The following UBE2C variants were observed in gnomAD, a reference collection of about 807,000 sequenced individuals.
UBE2C encodes ubiquitin conjugating enzyme E2 C.
UBE2C carries 16 observed loss-of-function variants against 23.5 expected under a neutral mutation model. The observed-to-expected ratio is 0.68, with a 90% CI of 0.46 to 1.03. The LOEUF (loss-of-function observed/expected upper bound fraction) is 1.03, where lower values mean the gene tolerates loss of function less well. Ranked by LOEUF, UBE2C falls within the 50% of genes least tolerant of loss-of-function variation. The probability of loss-of-function intolerance (pLI) is 0.00; values close to 1 mark genes in which losing one functional copy is unlikely to be tolerated. For missense variants in UBE2C, 192 were observed against 227.6 expected, an observed-to-expected ratio of 0.84 and a Z score of 1.01; for synonymous variants, 76 against 91.6, an observed-to-expected ratio of 0.83 and a Z score of 0.97.
chr20:45,816,599 T>G, intron 5 of UBE2C, 110 bp from the exon 6 acceptor site: 2 of 929,774 alleles, frequency 2.2e-6, no homozygotes, highest in Non-Finnish European at 3.4e-6. Context: ...ATCATGCTAT[T>G]GCACTCCAGC....
intron 5 of UBE2C, among the ~76,000 whole-genome samples, chr20:45,816,205 C>G (rs935755198): frequency 4.1e-4 from 62 of 152,344 alleles, no homozygotes; most frequent in Admixed American, 2.0e-3. Flanking sequence ...CTGTGCCCTC[C>G]AGTCTCACTG....
At chr20:45,814,848 T>TC (rs1489885081) in intron 3 of UBE2C, among the ~76,000 whole-genome samples, 2 of 151,790 alleles carry the variant, frequency 1.3e-5, no homozygotes, top group African/African-American at 4.8e-5. Context: ...TTTTTTTTTT[T>TC]TGAGACGGAG....
Position 45,816,691 on chromosome 20 carries a change from C to T in UBE2C, c.482-18C>T. 2 of 1,611,678 alleles carry T rather than the reference C, an allele frequency of 1.2e-6. No individual in the cohort carries two copies. Among genetic ancestry groups the T allele is most frequent in the South Asian group, 2.2e-5 (2 of 90,686 alleles). On this transcript the variant is annotated intron_variant, in intron 5 of 5. Transcript: ENST00000356455. ...TCCTGTCTCCATCACTCACTGAGAC[C>T]TGCCTGTTCTCTTCCAGCTTTTAAG...
chr20:45,816,379 T>C (rs750283662), intron 5 of UBE2C, among the ~76,000 whole-genome samples: 25 of 147,274 alleles, frequency 1.7e-4, no homozygotes, highest in Non-Finnish European at 3.2e-4. Context: ...CTCATGCCTG[T>C]AATCCTAGCA....
chr20:45,814,407 T>C lies in UBE2C; in HGVS notation c.153T>C (p.Ser51=). ...TLMMSGDKGI[S]AFPESDNLFK... ...AGATGTCTGGCGATAAAGGGATTTC[T>C]GCCTTCCCTGAATCAGACAACCTTT... The change falls in exon 3 of 6, where the codon TCT becomes TCC. Residue 51 remains serine (S), a synonymous_variant. Transcript: ENST00000356455. The C allele has an allele frequency of 6.2e-7, 1 of 1,610,010 alleles. No individual in the cohort carries two copies. The highest frequency in any genetic ancestry group is 8.5e-7 in the Non-Finnish European group (1 of 1,178,198).
intron 1 of UBE2C, 27 bp from the exon 2 acceptor site, chr20:45,813,410 A>T: frequency 6.2e-7 from 1 of 1,614,104 alleles, no homozygotes; most frequent in Non-Finnish European, 8.5e-7. Context: ...CCAGACTCCC[A>T]GGTAACCCCG....
chr20:45,813,926 A>T (rs1982180078), intron 2 of UBE2C, among the ~76,000 whole-genome samples: 1 of 151,974 alleles, frequency 6.6e-6, no homozygotes, highest in Non-Finnish European at 1.5e-5. Context: ...CCAACATTGC[A>T]AAACCCTGTC....
intron 2 of UBE2C, among the ~76,000 whole-genome samples, chr20:45,813,819 G>C (rs536982771): frequency 6.6e-6 from 1 of 152,250 alleles, no homozygotes; most frequent in East Asian, 1.9e-4. Context: ...GAGATTAAGG[G>C]GAGGCTGGGC....
chr20:45,816,928 A>G lies in UBE2C; in HGVS notation c.*161A>G, dbSNP rs1873290893. 1.7e-6 allele frequency: 1 copy of G among 573,710 alleles called. No homozygotes were observed. Among genetic ancestry groups the G allele is most frequent in the African/African-American group, 1.9e-5 (1 of 51,844 alleles). The allele number at this position is 573,710 out of a possible 1,614,324, so 35.5% of individuals were successfully genotyped here. A position where few individuals can be genotyped will look rare whatever the true frequency, so the allele number is the denominator to read the frequency against. On this transcript the variant is annotated 3_prime_UTR_variant, in exon 6 of 6. Transcript: ENST00000356455. ...CCTCGGTTGAGCCCTTGTATATTAA[A>G]TAAATGCATTTTTGTCCTTTTTTAG...
At chr20:45,812,851 C>A in intron 1 of UBE2C, 55 bp downstream of exon 1, 1 of 1,511,778 alleles carries the variant, frequency 6.6e-7, no homozygotes, top group African/African-American at 1.4e-5. Context: ...GCATTGGTAC[C>A]CAGAGCAAAG....
At chr20:45,813,065 C>T in intron 1 of UBE2C, 2 of 1,409,146 alleles carry the variant, frequency 1.4e-6, no homozygotes, top group Non-Finnish European at 1.8e-6. Context: ...GAGACTCTCC[C>T]GAAGGAGAAT....
At chr20:45,816,063 C>G (rs1982521018) in intron 5 of UBE2C, 150 bp downstream of exon 5, 1 of 711,914 alleles carries the variant, frequency 1.4e-6, no homozygotes, top group Non-Finnish European at 2.4e-6. Context: ...CCCCAGTGCT[C>G]CTATTTGCTA....
At chr20:45,814,576 G>A (rs908679929) in intron 3 of UBE2C, 106 bp downstream of exon 3, 16 of 814,400 alleles carry the variant, frequency 2.0e-5, no homozygotes, top group South Asian at 8.3e-5. Flanking sequence ...CACTCCTCCT[G>A]TGACTGTTTA....
chr20:45,814,271 C>CATATATATATATATATAAAT (rs1982257684), intron 2 of UBE2C, 113 bp from the exon 3 acceptor site: 2 of 339,610 alleles, frequency 5.9e-6, no homozygotes, highest in African/African-American at 5.1e-5. Context: ...TGTATGTGAG[C>CATATATATATATATATAAAT]ATATATATAT....
chr20:45,813,129 C>T, intron 1 of UBE2C: 1 of 1,399,848 alleles, frequency 7.1e-7, no homozygotes, highest in South Asian at 1.6e-5. Flanking sequence ...GATGAAGACG[C>T]TCAAGGACCC....
intron 2 of UBE2C, 42 bp downstream of exon 2, chr20:45,813,506 T>A (rs1411246082): frequency 6.2e-7 from 1 of 1,613,782 alleles, no homozygotes; most frequent in African/African-American, 1.3e-5. Context: ...TCCATCCAAT[T>A]TTCAGTAGCC....
intron 3 of UBE2C, among the ~76,000 whole-genome samples, chr20:45,814,978 C>G (rs1249113746): frequency 6.6e-6 from 1 of 151,082 alleles, no homozygotes; most frequent in Non-Finnish European, 1.5e-5. Context: ...GCTGGGACTA[C>G]AGGCGCCCGC....
chr20:45,815,951 C>G, intron 5 of UBE2C, 38 bp downstream of exon 5: 1 of 1,607,878 alleles, frequency 6.2e-7, no homozygotes, highest in Non-Finnish European at 8.5e-7. Flanking sequence ...TGATCCCTCC[C>G]CCAACCTTCA....
Position 45,813,428 on chromosome 20 carries a change from T to G in UBE2C, c.102-9T>G. Reference sequence around the variant, plus strand: ...GACTCCCAGGTAACCCCGAATACTCTTTTTTCAGGCTACAGCAGGAGCTGA... The same window carrying G: ...GACTCCCAGGTAACCCCGAATACTCGTTTTTCAGGCTACAGCAGGAGCTGA... On this transcript the variant is annotated splice_polypyrimidine_tract_variant and intron_variant, in intron 1 of 5. Coordinates refer to ENST00000356455, the MANE Select transcript of UBE2C (RefSeq NM_007019.4). 1 of 1,613,996 alleles carries G rather than the reference T, an allele frequency of 6.2e-7. No individual in the cohort carries two copies. The highest frequency in any genetic ancestry group is 8.5e-7 in the Non-Finnish European group (1 of 1,180,000).
Sources: allele counts gnomAD v4.1 joint callset (sites outside exome capture counted in the v4.1 genomes callset), GRCh38; gene constraint gnomAD v4.1.1; transcripts MANE v1.5; gene names NCBI Gene and HGNC (gene_info 2026-07-23, HGNC 2026-07-21).